The following FOXO1 variants were observed in gnomAD, a reference collection of about 807,000 sequenced individuals.
FOXO1 encodes the protein forkhead box O1.
FOXO1 carries 6 observed loss-of-function variants against 44.1 expected under a neutral mutation model. The ratio of observed to expected loss-of-function variants is 0.14; its 90% CI spans 0.07 to 0.27. The LOEUF (loss-of-function observed/expected upper bound fraction) is 0.27. Among genes scored for constraint, FOXO1 ranks in the 10% least tolerant of loss-of-function variants. FOXO1 has a pLI of 1.00. For missense variants in FOXO1, 737 were observed against 888.8 expected, an observed-to-expected ratio of 0.83 and a Z score of 2.17; for synonymous variants, 380 against 362.7, an observed-to-expected ratio of 1.05 and a Z score of -0.54.
intron 1 of FOXO1, among the ~76,000 whole-genome samples, chr13:40,622,566 C>A (rs74044545): frequency 0.015 from 2,349 of 152,144 alleles, 68 homozygotes; most frequent in African/African-American, 0.053. Context: ...AAAGGCAAAT[C>A]TGTCTTTCCC....
chr13:40,600,221 C>T (rs1432138652), intron 1 of FOXO1, among the ~76,000 whole-genome samples: 1 of 152,146 alleles, frequency 6.6e-6, no homozygotes, highest in Non-Finnish European at 1.5e-5. Context: ...ACTGAGTTGA[C>T]AAATTAGACC....
chr13:40,584,146 C>T (rs749068550), intron 1 of FOXO1, among the ~76,000 whole-genome samples: 1 of 152,000 alleles, frequency 6.6e-6, no homozygotes, highest in African/African-American at 2.4e-5. Context: ...AGTTTGCAGT[C>T]TTATATGGGT....
intron 1 of FOXO1, among the ~76,000 whole-genome samples, chr13:40,623,291 G>T (rs945664411): frequency 6.6e-6 from 1 of 152,128 alleles, no homozygotes; most frequent in Non-Finnish European, 1.5e-5. Flanking sequence ...AGTGACACGG[G>T]GGTCCGTGTG....
At position 40,606,480 on chromosome 13, in the gene FOXO1, T is replaced by C. The variant is rs1876004658; in HGVS notation, c.631-45620A>G. Among the ~76,000 whole-genome samples the C allele has an allele frequency of 2.0e-5, 3 of 151,956 alleles. No homozygotes were observed. The South Asian group carries it at 6.2e-4, about 32-fold the overall frequency. On this transcript the variant is annotated intron_variant, in intron 1 of 2. Coordinates refer to ENST00000379561, the MANE Select transcript of FOXO1 (RefSeq NM_002015.4). ...ACGTGCCACCACCACACCTGGCTAA[T>C]TTTTGTATTTTTAGTAGAGATGGGG...
At chr13:40,627,466 A>T (rs1876821731) in intron 1 of FOXO1, among the ~76,000 whole-genome samples, 1 of 152,206 alleles carries the variant, frequency 6.6e-6, no homozygotes, top group Admixed American at 6.5e-5. Flanking sequence ...GAGGAGAAAA[A>T]TGTCCTTGCT....
chr13:40,621,118 G>A (rs1162771469), intron 1 of FOXO1: 2 of 348,464 alleles, frequency 5.7e-6, no homozygotes, highest in Non-Finnish European at 1.1e-5. Flanking sequence ...TTTAACCAAA[G>A]AGCAGACTGA....
At chr13:40,652,461 C>T (rs1340726836) in intron 1 of FOXO1, among the ~76,000 whole-genome samples, 5 of 152,158 alleles carry the variant, frequency 3.3e-5, no homozygotes, top group African/African-American at 9.6e-5. Flanking sequence ...TGGTATCGAA[C>T]TCCTAACCTC....
At chr13:40,586,604 T>C (rs1282907288) in intron 1 of FOXO1, among the ~76,000 whole-genome samples, 1 of 152,168 alleles carries the variant, frequency 6.6e-6, no homozygotes. Context: ...GGAAATAGTG[T>C]GTAGTATCAG....
Position 40,666,254 on chromosome 13 carries a change from G to A in FOXO1, c.-42C>T, listed in dbSNP as rs1037713119. The A allele has an allele frequency of 1.5e-6, 2 of 1,351,090 alleles. No individual in the cohort carries two copies. The highest frequency in any genetic ancestry group is 1.5e-5 in the African/African-American group (1 of 65,822). 83.7% of individuals were successfully genotyped at this position (1,351,090 alleles called of 1,614,324 possible). On this transcript the variant is annotated 5_prime_UTR_variant, in exon 1 of 3. Transcript: ENST00000379561. ...CCCCCAGCCGCAGGAGAGCCAAGAGGGGGAGAACGCAGCACTGGGGGCGGA... is the reference window on the plus strand; with the variant it reads ...CCCCCAGCCGCAGGAGAGCCAAGAGAGGGAGAACGCAGCACTGGGGGCGGA...
At chr13:40,586,565 T>G (rs374236734) in intron 1 of FOXO1, among the ~76,000 whole-genome samples, 1 of 152,118 alleles carries the variant, frequency 6.6e-6, no homozygotes, top group Non-Finnish European at 1.5e-5. Flanking sequence ...AAATGGGAAA[T>G]AGTGTGTAGG....
chr13:40,649,627 G>A lies in FOXO1; in HGVS notation c.630+15956C>T, dbSNP rs150039374. ...TACATGACCCAAGATCATTTACATC[G>A]TTCAATGAGATCACAGAGCACAATA... On this transcript the variant is annotated intron_variant, in intron 1 of 2. Coordinates refer to ENST00000379561, the MANE Select transcript of FOXO1 (RefSeq NM_002015.4). Among the ~76,000 whole-genome samples the A allele has an allele frequency of 1.9e-3, 293 of 152,182 alleles. 1 individual carries two copies. The highest frequency in any genetic ancestry group is 6.8e-3 in the African/African-American group (282 of 41,492).
intron 1 of FOXO1, among the ~76,000 whole-genome samples, chr13:40,630,772 A>G (rs1378353102): frequency 6.6e-6 from 1 of 152,084 alleles, no homozygotes; most frequent in Non-Finnish European, 1.5e-5. Context: ...CTTTGCCAAC[A>G]CCACTCCTCA....
intron 1 of FOXO1, among the ~76,000 whole-genome samples, chr13:40,664,571 G>GC (rs1228805713): frequency 2.6e-5 from 4 of 151,814 alleles, no homozygotes; most frequent in African/African-American, 4.8e-5. Flanking sequence ...TGGTCGCAAA[G>GC]CCCCCCCGCC....
intron 1 of FOXO1, among the ~76,000 whole-genome samples, chr13:40,646,752 C>T (rs1877524490): frequency 6.6e-6 from 1 of 152,046 alleles, no homozygotes; most frequent in Admixed American, 6.6e-5. Flanking sequence ...TGCCACCACG[C>T]CCAGCTAATT....
intron 1 of FOXO1, among the ~76,000 whole-genome samples, chr13:40,642,082 A>G (rs1877371321): frequency 6.6e-6 from 1 of 152,226 alleles, no homozygotes; most frequent in African/African-American, 2.4e-5. Flanking sequence ...CAGTTTCCTC[A>G]TATACAAATT....
intron 1 of FOXO1, among the ~76,000 whole-genome samples, chr13:40,648,441 A>G (rs537647280): frequency 3.3e-5 from 5 of 152,252 alleles, no homozygotes; most frequent in Non-Finnish European, 7.3e-5. Context: ...ATAAATCCAA[A>G]TTAAAAAATG....
chr13:40,558,915 GT>G lies in FOXO1; in HGVS notation c.*133del, dbSNP rs768846140. The G allele has an allele frequency of 0.032, 9,921 of 305,956 alleles. 76 individuals are homozygous for G. The highest frequency in any genetic ancestry group is 0.045 in the Non-Finnish European group (8,041 of 177,118). 19.0% of individuals were successfully genotyped at this position (305,956 alleles called of 1,614,324 possible). A position where few individuals can be genotyped will look rare whatever the true frequency, so the allele number is the denominator to read the frequency against. On this transcript the variant is annotated 3_prime_UTR_variant, in exon 3 of 3. Transcript: ENST00000379561. ...AGTCTGACGAAAGGAAAAAAGGAGGGTTTTTTTTTTTGTTTTTTTTTTTAAC... is the reference window on the plus strand; with the variant it reads ...AGTCTGACGAAAGGAAAAAAGGAGGGTTTTTTTTTTGTTTTTTTTTTTAAC...
chr13:40,560,931 T>C lies in FOXO1; in HGVS notation c.631-71A>G. 2 of 1,443,170 alleles carry C rather than the reference T, an allele frequency of 1.4e-6. No individual in the cohort carries two copies. Among genetic ancestry groups the C allele is most frequent in the Non-Finnish European group, 1.9e-6 (2 of 1,074,390 alleles). 89.4% of individuals were successfully genotyped at this position (1,443,170 alleles called of 1,614,324 possible). Reference sequence around the variant, plus strand: ...GCAAAACTTCCTATTCTACATGTATTACATGGAAAACAAGTAAAAAATCTT... The same window carrying C: ...GCAAAACTTCCTATTCTACATGTATCACATGGAAAACAAGTAAAAAATCTT... On this transcript the variant is annotated intron_variant, in intron 1 of 2. Transcript: ENST00000379561. The surrounding 1 kb of genome is among the most constrained non-coding windows in gnomAD (Gnocchi z 5.1).
At position 40,666,280 on chromosome 13, in the gene FOXO1, C is replaced by A; in HGVS notation, c.-68G>T. The A allele has an allele frequency of 1.6e-6, 2 of 1,269,544 alleles. No individual in the cohort carries two copies. Among genetic ancestry groups the A allele is most frequent in the South Asian group, 4.2e-5 (2 of 47,968 alleles). The allele number at this position is 1,269,544 out of a possible 1,614,324, so 78.6% of individuals were successfully genotyped here. ...GGGAGAACGCAGCACTGGGGGCGGA[C>A]GGGGAGGGGGCGCGAAGGGACGGTC... is the stretch of plus-strand genomic sequence containing the variant. On this transcript the variant is annotated 5_prime_UTR_variant, in exon 1 of 3. Coordinates refer to ENST00000379561, the MANE Select transcript of FOXO1 (RefSeq NM_002015.4).
Sources: allele counts gnomAD v4.1 joint callset (sites outside exome capture counted in the v4.1 genomes callset), GRCh38; gene constraint gnomAD v4.1.1; non-coding constraint Gnocchi (gnomAD v3.1); transcripts MANE v1.5; gene names NCBI Gene and HGNC (gene_info 2026-07-23, HGNC 2026-07-21).